LINGO2: variants seen among roughly 807,000 people sequenced by gnomAD.
The protein encoded by LINGO2 is leucine rich repeat and Ig domain containing 2, also known as leucine-rich repeat and immunoglobulin-like domain-containing nogo receptor-interacting protein 2.
In LINGO2, 14 loss-of-function variants were observed where a neutral mutation model predicts 30.6. That is an observed-to-expected ratio of 0.46 (90% CI 0.30 to 0.72). The LOEUF is 0.72. Among genes scored for constraint, LINGO2 ranks in the 30% least tolerant of loss-of-function variants. The pLI, the probability that LINGO2 is intolerant of heterozygous loss-of-function variation, is 0.07. For missense variants in LINGO2, 729 were observed against 751.7 expected (o/e 0.97, Z 0.35); for synonymous variants, 317 against 288.5 (o/e 1.10, Z -1.00).
At chr9:28,552,361 G>C (rs1357715857) in intron 1 of LINGO2, among the ~76,000 whole-genome samples, 1 of 152,004 alleles carries the variant, frequency 6.6e-6, no homozygotes, top group Admixed American at 6.6e-5. Flanking sequence ...GGAGATAAAA[G>C]TCTTAAATAC....
At chr9:28,992,380 C>A in the LINGO2 span, among the ~76,000 whole-genome samples, 2 of 151,980 alleles carry the variant, frequency 1.3e-5, no homozygotes, top group Admixed American at 6.5e-5. Flanking sequence ...TCCTCAGTGA[C>A]CTACAAAGAG....
intron 1 of LINGO2, among the ~76,000 whole-genome samples, chr9:28,506,501 C>A (rs189907648): frequency 1.2e-5 from 1 of 85,368 alleles, no homozygotes; most frequent in East Asian, 3.5e-4. Flanking sequence ...CACACACACA[C>A]AGACATATAT....
intron 1 of LINGO2, among the ~76,000 whole-genome samples, chr9:28,618,829 C>A (rs1826258060): frequency 6.6e-6 from 1 of 151,990 alleles, no homozygotes; most frequent in African/African-American, 2.4e-5. Flanking sequence ...CTGTATCTGG[C>A]ACATAAAATG....
the LINGO2 span, among the ~76,000 whole-genome samples, chr9:29,012,507 C>T: frequency 3.9e-5 from 6 of 152,124 alleles, no homozygotes; most frequent in Non-Finnish European, 4.4e-5. Flanking sequence ...ACAGCAGAAC[C>T]GTTCTCACTT....
the LINGO2 span, among the ~76,000 whole-genome samples, chr9:28,750,512 T>C: frequency 5.3e-5 from 8 of 152,106 alleles, no homozygotes; most frequent in Non-Finnish European, 1.2e-4. Flanking sequence ...CCCTCAGAGA[T>C]CCTCAGTCTG....
Position 28,079,124 on chromosome 9 carries a change from C to G in LINGO2, c.-86-66719G>C, listed in dbSNP as rs1206346693. On this transcript the variant is annotated intron_variant, in intron 4 of 5. Transcript: ENST00000379992. Reference sequence around the variant, plus strand: ...TGTTAAATTTGCAGGTGACAAGAAACTTGAAATACTACTATTAGGCTTTAA... The same window carrying G: ...TGTTAAATTTGCAGGTGACAAGAAAGTTGAAATACTACTATTAGGCTTTAA... 1.3e-5 allele frequency among the ~76,000 whole-genome samples: 2 copies of G among 150,210 alleles called. 1 individual carries two copies. Among genetic ancestry groups the G allele is most frequent in the African/African-American group, 5.1e-5 (2 of 39,584 alleles).
chr9:29,017,119 T>A, the LINGO2 span, among the ~76,000 whole-genome samples: 1 of 152,192 alleles, frequency 6.6e-6, no homozygotes, highest in African/African-American at 2.4e-5. Flanking sequence ...TTAAAATTAA[T>A]CAGGATTAAT....
intron 4 of LINGO2, among the ~76,000 whole-genome samples, chr9:28,181,833 T>C (rs1023500967): frequency 6.6e-6 from 1 of 151,974 alleles, no homozygotes; most frequent in East Asian, 1.9e-4. Flanking sequence ...CTTGAAGAGG[T>C]CCTTCTATCC....
At chr9:28,646,909 G>C (rs1387836468) in intron 1 of LINGO2, among the ~76,000 whole-genome samples, 1 of 152,070 alleles carries the variant, frequency 6.6e-6, no homozygotes, top group Non-Finnish European at 1.5e-5. Context: ...TGAGCTTAAT[G>C]AGTATGAGCT....
chr9:28,203,762 C>G (rs1820318552), intron 4 of LINGO2, among the ~76,000 whole-genome samples: 1 of 152,144 alleles, frequency 6.6e-6, no homozygotes, highest in African/African-American at 2.4e-5. Flanking sequence ...TTGTTTTGAG[C>G]TTCCTGGAAA....
chr9:28,431,106 C>G (rs115385115), intron 2 of LINGO2, among the ~76,000 whole-genome samples: 1,522 of 149,728 alleles, frequency 0.01, 27 homozygotes, highest in African/African-American at 0.036. Context: ...TTCTTAATAA[C>G]CTAATCTCAA....
the LINGO2 span, among the ~76,000 whole-genome samples, chr9:28,943,037 T>C: frequency 6.6e-6 from 1 of 152,140 alleles, no homozygotes; most frequent in African/African-American, 2.4e-5. Flanking sequence ...AATATGGCAA[T>C]TGTAGTAAGC....
the LINGO2 span, among the ~76,000 whole-genome samples, chr9:28,797,210 G>A: frequency 6.6e-6 from 1 of 150,454 alleles, no homozygotes; most frequent in Non-Finnish European, 1.5e-5. Flanking sequence ...AATTTTCCAG[G>A]AACAGTTCTT....
intron 5 of LINGO2, among the ~76,000 whole-genome samples, chr9:27,980,213 A>G (rs892786292): frequency 6.6e-6 from 1 of 151,972 alleles, no homozygotes; most frequent in African/African-American, 2.4e-5. Context: ...AGTTCAAGAA[A>G]GACACAGCTT....
At chr9:28,916,498 C>A in the LINGO2 span, among the ~76,000 whole-genome samples, 1 of 149,384 alleles carries the variant, frequency 6.7e-6, no homozygotes, top group African/African-American at 2.5e-5. Context: ...CAAACACTCC[C>A]TCCTTCTATT....
the LINGO2 span, among the ~76,000 whole-genome samples, chr9:28,902,025 A>G: frequency 6.6e-6 from 1 of 152,172 alleles, no homozygotes. Context: ...TACTGGCTCT[A>G]AAATTAATAA....
chr9:27,960,100 T>G (rs1206318265), intron 5 of LINGO2, among the ~76,000 whole-genome samples: 1 of 152,098 alleles, frequency 6.6e-6, no homozygotes, highest in Non-Finnish European at 1.5e-5. Flanking sequence ...TCCTTAATTT[T>G]CAGAAAATAA....
chr9:28,390,209 C>T (rs1821768327), intron 2 of LINGO2, among the ~76,000 whole-genome samples: 1 of 152,140 alleles, frequency 6.6e-6, no homozygotes, highest in African/African-American at 2.4e-5. Flanking sequence ...ACGATGCTAC[C>T]ACACATTGTG....
the LINGO2 span, among the ~76,000 whole-genome samples, chr9:29,082,099 A>G: frequency 0.012 from 1,768 of 152,234 alleles, 21 homozygotes; most frequent in Non-Finnish European, 0.018. Flanking sequence ...ATATGGAACC[A>G]AAAAAGAGCC....
Sources: allele counts gnomAD v4.1 joint callset (sites outside exome capture counted in the v4.1 genomes callset), GRCh38; gene constraint gnomAD v4.1.1; transcripts MANE v1.5; gene names NCBI Gene and HGNC (gene_info 2026-07-23, HGNC 2026-07-21).